Variants in ARHGEF12 observed in about 807,000 individuals in gnomAD.
ARHGEF12 encodes KMT2A/ARHGEF12 fusion protein.
A neutral mutation model predicts 211.2 loss-of-function variants in ARHGEF12; 66 were observed. That is an observed-to-expected ratio of 0.31 (90% confidence interval 0.26 to 0.38). The LOEUF (loss-of-function observed/expected upper bound fraction) is 0.38. Ranked by LOEUF, ARHGEF12 falls within the 10% of genes least tolerant of loss-of-function variation. The pLI is 1.00. For missense variants in ARHGEF12, 1,429 were observed against 1,869.5 expected, an observed-to-expected ratio of 0.76 and a Z score of 4.34; for synonymous variants, 592 against 638.4, an observed-to-expected ratio of 0.93 and a Z score of 1.09.
At position 120,429,956 on chromosome 11, in the gene ARHGEF12, C is replaced by G. The variant is rs188274476; in HGVS notation, c.783+125C>G. 444 of 1,063,394 alleles carry G rather than the reference C, an allele frequency of 4.2e-4. 2 individuals are homozygous for G. The highest frequency in any genetic ancestry group is 3.8e-3 in the Middle Eastern group (18 of 4,730). 65.9% of individuals were successfully genotyped at this position (1,063,394 alleles called of 1,614,324 possible). On this transcript the variant is annotated intron_variant, in intron 10 of 40. Coordinates refer to ENST00000397843, the MANE Select transcript of ARHGEF12 (RefSeq NM_015313.3). ...TTCTAGCGTAGGACAACAGGATGTC[C>G]TGTTAAGGATGTTACAGAAGTAATG...
chr11:120,460,058 A>T (rs1006725581), intron 26 of ARHGEF12, among the ~76,000 whole-genome samples: 1 of 152,240 alleles, frequency 6.6e-6, no homozygotes, highest in African/African-American at 2.4e-5. Flanking sequence ...GAATAAGTAT[A>T]TAAAAATTCT....
chr11:120,349,523 C>G (rs1333477168), intron 1 of ARHGEF12, among the ~76,000 whole-genome samples: 1 of 152,044 alleles, frequency 6.6e-6, no homozygotes, highest in Non-Finnish European at 1.5e-5. Context: ...ACTGAAGGAG[C>G]ATGATATAGA....
intron 15 of ARHGEF12, among the ~76,000 whole-genome samples, chr11:120,443,065 A>G (rs2135793193): frequency 7.4e-6 from 1 of 134,754 alleles, no homozygotes; most frequent in East Asian, 2.1e-4. Context: ...TCTGTTGCCC[A>G]GGCTGGAGCA....
chr11:120,423,842 G>A (rs929760160), intron 6 of ARHGEF12, among the ~76,000 whole-genome samples: 1 of 152,034 alleles, frequency 6.6e-6, no homozygotes, highest in Non-Finnish European at 1.5e-5. Flanking sequence ...GTTTTGCCTT[G>A]ATTTGTTTGG....
chr11:120,380,012 C>T (rs1449816498), intron 1 of ARHGEF12, among the ~76,000 whole-genome samples: 1 of 152,110 alleles, frequency 6.6e-6, no homozygotes, highest in Non-Finnish European at 1.5e-5. Flanking sequence ...TTTCATTTGT[C>T]AGATGTAGAA....
chr11:120,464,481 C>T, intron 27 of ARHGEF12: 1 of 151,452 alleles, frequency 6.6e-6, no homozygotes, highest in Non-Finnish European at 1.5e-5. Flanking sequence ...ACTTGGGAGG[C>T]TGAGACAGGA....
chr11:120,341,502 C>G (rs1225597586), intron 1 of ARHGEF12, among the ~76,000 whole-genome samples: 2 of 152,160 alleles, frequency 1.3e-5, no homozygotes, highest in Non-Finnish European at 2.9e-5. Flanking sequence ...CCAGGGAAAA[C>G]AGTTGGAAAA....
In ARHGEF12 at chr11:120,457,172, C is replaced by T; in HGVS notation, c.2111C>T (p.Pro704Leu). 6.2e-7 allele frequency: 1 copy of T among 1,614,044 alleles called. No individual in the cohort carries two copies. The highest frequency in any genetic ancestry group is 8.5e-7 in the Non-Finnish European group (1 of 1,179,966). ...SAPGDTLDGT[P>L]RTLNTVFDFP... Reference sequence around the variant, plus strand: ...CCTGGAGACACCTTAGATGGCACACCTCGTACTCTCAATACTGTCTTTGAT... The same window carrying T: ...CCTGGAGACACCTTAGATGGCACACTTCGTACTCTCAATACTGTCTTTGAT... Residue 704 changes from proline (P) to leucine (L), a missense_variant, in exon 23 of 41, where the codon CCT becomes CTT. Transcript: ENST00000397843.
chr11:120,426,503 A>G (rs1945349634), intron 7 of ARHGEF12, among the ~76,000 whole-genome samples: 1 of 152,236 alleles, frequency 6.6e-6, no homozygotes, highest in African/African-American at 2.4e-5. Context: ...ATATAATAAA[A>G]GTGATATCAA....
chr11:120,473,868 A>G (rs1366648669), intron 31 of ARHGEF12, among the ~76,000 whole-genome samples: 1 of 152,196 alleles, frequency 6.6e-6, no homozygotes, highest in Non-Finnish European at 1.5e-5. Flanking sequence ...ATGTGGGCTT[A>G]TGTGTTAACT....
At chr11:120,429,398 C>G in intron 8 of ARHGEF12, 42 bp from the exon 9 acceptor site, 1 of 1,516,166 alleles carries the variant, frequency 6.6e-7, no homozygotes, top group Non-Finnish European at 9.1e-7. Context: ...TTCATTTTGT[C>G]TATACTGGTT....
intron 1 of ARHGEF12, among the ~76,000 whole-genome samples, chr11:120,395,543 A>T (rs1398778188): frequency 6.6e-6 from 1 of 152,234 alleles, no homozygotes; most frequent in African/African-American, 2.4e-5. Flanking sequence ...ATGAAGACAT[A>T]TCCGAGACTG....
chr11:120,371,475 G>A (rs969594634), intron 1 of ARHGEF12, among the ~76,000 whole-genome samples: 2 of 152,236 alleles, frequency 1.3e-5, no homozygotes, highest in Middle Eastern at 3.4e-3. Context: ...TAACAAGAGC[G>A]AACCTCCGTC....
intron 7 of ARHGEF12, among the ~76,000 whole-genome samples, chr11:120,424,730 C>A (rs1054900339): frequency 2.6e-5 from 4 of 152,180 alleles, no homozygotes; most frequent in African/African-American, 9.7e-5. Context: ...TATCTTTTGT[C>A]AACTCCATTT....
At position 120,460,733 on chromosome 11, in the gene ARHGEF12, G is replaced by T. The variant is rs754022271; in HGVS notation, c.2589G>T (p.Gln863His). 2 of 1,613,816 alleles carry T rather than the reference G, an allele frequency of 1.2e-6. No homozygotes were observed. Among genetic ancestry groups the T allele is most frequent in the Non-Finnish European group, 1.7e-6 (2 of 1,179,872 alleles). ...RKRNETSVIDQIGEDLLTWFS... is the reference protein window; with the variant it reads ...RKRNETSVIDHIGEDLLTWFS... ...GAAATGAGACCTCTGTTATCGATCA[G>T]ATTGGGGAAGATTTGCTGACATGGG... The change falls in exon 27 of 41, where the codon CAG (glutamine) becomes CAT (histidine). Residue 863 changes from glutamine (Q) to histidine (H), a missense_variant. This residue lies in a region of ARHGEF12 where 223 missense variants were observed against 444.6 expected (regional missense o/e 0.50). Transcript: ENST00000397843.
intron 7 of ARHGEF12, among the ~76,000 whole-genome samples, chr11:120,426,012 A>C (rs1293040647): frequency 6.6e-6 from 1 of 152,168 alleles, no homozygotes; most frequent in Non-Finnish European, 1.5e-5. Context: ...TTTTACTGCT[A>C]TGTTAAGCAA....
At chr11:120,421,607 T>G (rs1007501259) in intron 5 of ARHGEF12, among the ~76,000 whole-genome samples, 196 bp from the exon 6 acceptor site, 38 of 151,828 alleles carry the variant, frequency 2.5e-4, no homozygotes, top group African/African-American at 9.0e-4. Context: ...CCAGTGAATT[T>G]TTGTATTTTT....
intron 1 of ARHGEF12, among the ~76,000 whole-genome samples, chr11:120,403,639 A>G (rs1031613065): frequency 2.6e-5 from 4 of 152,222 alleles, no homozygotes; most frequent in African/African-American, 9.6e-5. Context: ...GTTAATAGAA[A>G]AATACACACA....
rs1375780182 is a variant in ARHGEF12 at position 120,440,158 on chromosome 11, A to G, written c.1029A>G (p.Ser343=). The change falls in exon 13 of 41, where the codon TCA becomes TCG. Residue 343 remains serine (S), a synonymous_variant. Coordinates refer to ENST00000397843, the MANE Select transcript of ARHGEF12 (RefSeq NM_015313.3). ...TDTQSLVGSP[S]TRIAPHIIGA... ...CTCAATCACTTGTCGGAAGTCCCTC[A>G]ACCCGTATAGCACCTCATATTATTG... The G allele has an allele frequency of 6.2e-7, 1 of 1,613,648 alleles. No homozygotes were observed. The highest frequency in any genetic ancestry group is 8.5e-7 in the Non-Finnish European group (1 of 1,179,768).
Sources: gnomAD v4.1 joint callset for allele counts (sites outside exome capture counted in the v4.1 genomes callset) on GRCh38, gnomAD v4.1.1 for gene constraint, gnomAD v4.1.1 regional missense constraint, MANE v1.5 for transcripts, NCBI Gene and HGNC (gene_info 2026-07-23, HGNC 2026-07-21) for gene names.